PRKD2: variants seen among roughly 807,000 people sequenced by gnomAD.
The protein encoded by PRKD2 is protein kinase D2.
A neutral mutation model predicts 86.0 loss-of-function variants in PRKD2; 22 were observed. The ratio of observed to expected loss-of-function variants is 0.26; its 90% confidence interval spans 0.18 to 0.37. PRKD2 has a LOEUF of 0.37. PRKD2 is among the 10% of genes least tolerant of loss of function. PRKD2 has a pLI of 1.00. For synonymous variants in PRKD2, 509 were observed against 510.9 expected, an observed-to-expected ratio of 1.00 and a Z score of 0.05; for missense variants, 818 against 1,199.2, an observed-to-expected ratio of 0.68 and a Z score of 4.70.
rs775462183 is a variant in PRKD2 at position 46,681,733 on chromosome 19, T to C, written c.1987A>G (p.Arg663Gly). The C allele has an allele frequency of 6.2e-7, 1 of 1,612,826 alleles. No individual in the cohort carries two copies. The highest frequency in any genetic ancestry group is 1.1e-5 in the South Asian group (1 of 91,036). Residue 663 changes from arginine to glycine, a missense_variant, in exon 15 of 18, where the codon AGA becomes GGA. This residue lies in a region of PRKD2 where 154 missense variants were observed against 359.6 expected (regional missense o/e 0.43). Transcript: ENST00000291281. The stretch of plus-strand genomic sequence containing the variant: ...ACAATGTTCTTGAAGTGAAGGTGTC[T>C]CAAAGCCACCAGGATCTGAGGGGAG... The part of the protein sequence containing the change: ...FLITQILVAL[R>G]HLHFKNIVHC...
At chr19:46,698,726 TGG>T (rs1354325254) in intron 7 of PRKD2, among the ~76,000 whole-genome samples, 1 of 152,056 alleles carries the variant, frequency 6.6e-6, no homozygotes, top group African/African-American at 2.4e-5. Context: ...GAGGCAGAAG[TGG>T]GGGGATCACT....
intron 9 of PRKD2, 51 bp downstream of exon 9, chr19:46,697,106 G>C: frequency 7.0e-7 from 1 of 1,438,626 alleles, no homozygotes; most frequent in Non-Finnish European, 9.8e-7. Context: ...GTGTGGGAAA[G>C]TTTGTGGGCA....
chr19:46,701,653 TTGTGTGTGTGTG>T (rs111858403), intron 5 of PRKD2, among the ~76,000 whole-genome samples: 1 of 147,774 alleles, frequency 6.8e-6, no homozygotes, highest in Non-Finnish European at 1.5e-5. Flanking sequence ...CGCGCCCGAC[TTGTGTGTGTGTG>T]TGTGTGTGTG....
chr19:46,675,103 T>A lies in PRKD2; in HGVS notation c.2354A>T (p.Asn785Ile). 6.2e-7 allele frequency: 1 copy of A among 1,610,754 alleles called. No homozygotes were observed. The highest frequency in any genetic ancestry group is 8.5e-7 in the Non-Finnish European group (1 of 1,178,268). Residue 785 changes from asparagine to isoleucine, a missense_variant, in exon 17 of 18, where the codon AAC (asparagine) becomes ATC (isoleucine). Physicochemically the swap from Asn to Ile is moderately radical, Grantham distance 149 (BLOSUM62 -3). This residue lies in a region of PRKD2 where 132 missense variants were observed against 146.2 expected (regional missense o/e 0.90). Transcript: ENST00000291281. ...HISAGAIDLI[N>I]NLLQVKMRKR... Reference sequence around the variant, plus strand: ...GCGCATCTTCACCTGCAGCAGGTTGTTGATGAGGTCAATGGCTGCACAGGA... The same window carrying A: ...GCGCATCTTCACCTGCAGCAGGTTGATGATGAGGTCAATGGCTGCACAGGA...
At chr19:46,690,735 T>C in intron 12 of PRKD2, 29 bp from the exon 13 acceptor site, 1 of 1,599,264 alleles carries the variant, frequency 6.3e-7, no homozygotes, top group Non-Finnish European at 8.6e-7. Flanking sequence ...AGATGGGGGA[T>C]GAGAGAGCAA....
chr19:46,709,317 G>A (rs1340086399), intron 3 of PRKD2: 6 of 170,212 alleles, frequency 3.5e-5, no homozygotes, highest in South Asian at 1.9e-4. Context: ...GCTTTTCCCC[G>A]ACTCCAGGAA....
In PRKD2 at chr19:46,703,498, G is replaced by A. The variant is rs1158241659; in HGVS notation, c.889+671C>T. Among the ~76,000 whole-genome samples, 13 of 152,006 alleles carry A rather than the reference G, an allele frequency of 8.6e-5. No individual in the cohort carries two copies. The South Asian group carries it at 1.2e-3, about 15-fold the overall frequency. ...AAAAATTAGCTGGGTGTGGCCAGGC[G>A]CGGTGGCTCACGCCTGTAATCCCGG... On this transcript the variant is annotated intron_variant, in intron 5 of 17. Coordinates refer to ENST00000291281, the MANE Select transcript of PRKD2 (RefSeq NM_016457.5).
At chr19:46,681,583 T>TGG in intron 15 of PRKD2, 67 bp downstream of exon 15, 30 of 671,490 alleles carry the variant, frequency 4.5e-5, no homozygotes, top group East Asian at 2.2e-4. Context: ...ATAATCCCCT[T>TGG]CCCCACCCCC....
At position 46,716,659 on chromosome 19, in the gene PRKD2, A is replaced by G. The variant is rs1443066093; in HGVS notation, c.-289T>C. On this transcript the variant is annotated 5_prime_UTR_variant, in exon 1 of 18. Coordinates refer to ENST00000291281, the MANE Select transcript of PRKD2 (RefSeq NM_016457.5). The surrounding 1 kb of genome is among the most constrained non-coding windows in gnomAD (Gnocchi z 7.9). Reference sequence around the variant, plus strand: ...CGATTGAGATTCCAAGAAGCCTGAGAGGAAATCTAGTAGGTCGGGGTCACA... The same window carrying G: ...CGATTGAGATTCCAAGAAGCCTGAGGGGAAATCTAGTAGGTCGGGGTCACA... 3.5e-6 allele frequency: 1 copy of G among 286,436 alleles called. No homozygotes were observed. The highest frequency in any genetic ancestry group is 6.5e-6 in the Non-Finnish European group (1 of 154,740). 17.7% of individuals were successfully genotyped at this position (286,436 alleles called of 1,614,324 possible).
chr19:46,692,052 A>C (rs550918320), intron 10 of PRKD2, 67 bp from the exon 11 acceptor site: 1 of 1,518,750 alleles, frequency 6.6e-7, no homozygotes, highest in East Asian at 2.3e-5. Flanking sequence ...CCATACCTGC[A>C]AAAGCAGACT....
chr19:46,674,775 T>C, intron 17 of PRKD2, 40 bp from the exon 18 acceptor site: 1 of 1,575,200 alleles, frequency 6.3e-7, no homozygotes. Flanking sequence ...GGGTCTGCAT[T>C]GGAGCAGTGC....
chr19:46,679,799 A>G (rs1337517662), intron 15 of PRKD2, among the ~76,000 whole-genome samples: 1 of 151,896 alleles, frequency 6.6e-6, no homozygotes, highest in Non-Finnish European at 1.5e-5. Flanking sequence ...TAATTTTTGT[A>G]TTTTTAGTAG....
intron 5 of PRKD2, among the ~76,000 whole-genome samples, chr19:46,702,444 G>T (rs1182291387): frequency 6.6e-6 from 1 of 151,914 alleles, no homozygotes; most frequent in East Asian, 1.9e-4. Context: ...AAGATTTTAG[G>T]GTGTTATATA....
Position 46,678,446 on chromosome 19 carries a change from T to C in PRKD2, c.2288A>G (p.Asn763Ser), listed in dbSNP as rs1270405405. The change falls in exon 16 of 18, where the codon AAC (asparagine) becomes AGC (serine). Residue 763 changes from asparagine (N) to serine (S), a missense_variant. Asn to Ser is a conservative substitution (Grantham distance 46, BLOSUM62 1). Around this residue, in one of 5 missense-constraint regions of PRKD2, gnomAD observed 154 missense variants for 359.6 expected, o/e 0.43. Transcript: ENST00000291281. The surrounding 1 kb of genome is among the most constrained non-coding windows in gnomAD (Gnocchi z 5.7). ...GCTGGCCGGGTACATGAAGGCGGCG[T>C]TCTGGATCTGGTCATTGATGTCCTC... ...EDEDINDQIQ[N>S]AAFMYPASPW... 2 of 1,613,916 alleles carry C rather than the reference T, an allele frequency of 1.2e-6. No individual in the cohort carries two copies. Among genetic ancestry groups the C allele is most frequent in the Non-Finnish European group, 1.7e-6 (2 of 1,179,974 alleles).
intron 11 of PRKD2, 35 bp downstream of exon 11, chr19:46,691,898 G>A (rs1261143932): frequency 1.2e-6 from 2 of 1,612,030 alleles, no homozygotes; most frequent in Non-Finnish European, 1.7e-6. Flanking sequence ...GGGTTTGTGG[G>A]AGGGGAGGGC....
intron 16 of PRKD2, among the ~76,000 whole-genome samples, chr19:46,676,753 T>C (rs1172861892): frequency 6.6e-6 from 1 of 152,134 alleles, no homozygotes; most frequent in East Asian, 1.9e-4. Flanking sequence ...GAGGGACTTC[T>C]GAGTGGGTCT....
intron 3 of PRKD2, 90 bp from the exon 4 acceptor site, chr19:46,704,739 A>C (rs2053689121): frequency 2.0e-6 from 3 of 1,477,082 alleles, no homozygotes; most frequent in Non-Finnish European, 2.7e-6. Flanking sequence ...CCAATCTCTC[A>C]CCTGGTCCTG....
chr19:46,692,876 C>T (rs1220879504), intron 10 of PRKD2, among the ~76,000 whole-genome samples: 4 of 152,152 alleles, frequency 2.6e-5, no homozygotes, highest in Non-Finnish European at 4.4e-5. Flanking sequence ...CAAGTGTAAG[C>T]TCAAATGTCA....
At chr19:46,680,311 C>G (rs764791407) in intron 15 of PRKD2, among the ~76,000 whole-genome samples, 1 of 151,726 alleles carries the variant, frequency 6.6e-6, no homozygotes, top group Non-Finnish European at 1.5e-5. Context: ...TTTTTTGAGA[C>G]GAGTCTTGGT....
Sources: allele counts gnomAD v4.1 joint callset (sites outside exome capture counted in the v4.1 genomes callset), GRCh38; gene constraint gnomAD v4.1.1; regional missense constraint gnomAD v4.1.1; non-coding constraint Gnocchi (gnomAD v3.1); transcripts MANE v1.5; gene names NCBI Gene and HGNC (gene_info 2026-07-23, HGNC 2026-07-21).